CR1: variants seen among roughly 807,000 people sequenced by gnomAD.
CR1 encodes complement C3b/C4b receptor 1 (Knops blood group), also known as complement receptor type 1.
A neutral mutation model predicts 187.3 loss-of-function variants in CR1; 116 were observed. The observed-to-expected ratio is 0.62, with a 90% CI of 0.53 to 0.72. CR1 has a LOEUF of 0.72. Among genes scored for constraint, CR1 ranks in the 30% least tolerant of loss-of-function variants. The pLI, the probability that CR1 is intolerant of heterozygous loss-of-function variation, is 0.00. For missense variants in CR1, 1,731 were observed against 2,110.7 expected, an observed-to-expected ratio of 0.82 and a Z score of 3.52; for synonymous variants, 576 against 747.1, an observed-to-expected ratio of 0.77 and a Z score of 3.73.
At chr1:207,616,254 T>G (rs1558269963) in intron 40 of CR1, among the ~76,000 whole-genome samples, 1 of 152,206 alleles carries the variant, frequency 6.6e-6, no homozygotes, top group Non-Finnish European at 1.5e-5. Flanking sequence ...TCAGGAATCT[T>G]ACTATGCCTG....
chr1:207,588,623 C>A (rs893324004), intron 34 of CR1, 52 bp from the exon 35 acceptor site: 9 of 1,250,828 alleles, frequency 7.2e-6, no homozygotes, highest in South Asian at 1.2e-5. Context: ...CTGAACCTTA[C>A]AAAGGTAAGT....
intron 35 of CR1, 21 bp from the exon 36 acceptor site, chr1:207,607,230 A>G: frequency 1.3e-6 from 2 of 1,589,902 alleles, no homozygotes; most frequent in Non-Finnish European, 1.7e-6. Context: ...GCGTATAACC[A>G]TTTTCTATCC....
intron 40 of CR1, among the ~76,000 whole-genome samples, 154 bp downstream of exon 40, chr1:207,614,643 G>A (rs1365013012): frequency 6.6e-6 from 1 of 152,118 alleles, no homozygotes; most frequent in African/African-American, 2.4e-5. Context: ...GAAGGGTCTT[G>A]TAGGTCTTCT....
At chr1:207,639,212 T>C (rs1337724762) in intron 46 of CR1, among the ~76,000 whole-genome samples, 185 bp from the exon 47 acceptor site, 1 of 152,264 alleles carries the variant, frequency 6.6e-6, no homozygotes, top group Non-Finnish European at 1.5e-5. Flanking sequence ...AATTCTTTTT[T>C]AGATGACCAA....
chr1:207,516,007 G>A lies in CR1; in HGVS notation c.487+4353G>A, dbSNP rs189556882. 3.6e-3 allele frequency among the ~76,000 whole-genome samples: 543 copies of A among 152,200 alleles called. 2 individuals carry two copies. The highest frequency in any genetic ancestry group is 6.0e-3 in the Non-Finnish European group (406 of 67,984). On this transcript the variant is annotated intron_variant, in intron 4 of 46. Transcript: ENST00000367049. ...AGGCAGGAGGATTGCTTGAAGCCAG[G>A]AGTTCAAGACCAGCCTGGGCAGCAG...
chr1:207,620,784 G>T (rs1238739278), intron 43 of CR1, among the ~76,000 whole-genome samples: 1 of 151,796 alleles, frequency 6.6e-6, no homozygotes, highest in Non-Finnish European at 1.5e-5. Flanking sequence ...TTGCTTTTTT[G>T]GCAAAAATCT....
At chr1:207,582,033 G>T (rs1660973150) in intron 32 of CR1, 30 bp downstream of exon 32, 2 of 1,524,816 alleles carry the variant, frequency 1.3e-6, no homozygotes, top group Non-Finnish European at 1.8e-6. Context: ...GTTCAGTCTG[G>T]ATCTTTCTGT....
chr1:207,620,625 C>A (rs775404140), intron 43 of CR1, among the ~76,000 whole-genome samples: 1 of 152,122 alleles, frequency 6.6e-6, no homozygotes, highest in Non-Finnish European at 1.5e-5. Context: ...TTCCCTTCTC[C>A]CCATCTCTTA....
chr1:207,580,238 AGT>A lies in CR1; in HGVS notation c.4940_4941del (p.Cys1647SerfsTer10). Reference sequence around the variant, plus strand: ...AGTACTCTGGAACTGTCCTTTCCACAGTGTGTCAGCCGCCTCCAGAAATCCTG... The same window carrying A: ...AGTACTCTGGAACTGTCCTTTCCACAGTGTCAGCCGCCTCCAGAAATCCTG... On this transcript the variant is annotated splice_acceptor_variant and coding_sequence_variant, in exon 30 of 47. Transcript: ENST00000367049. LOFTEE classifies it high-confidence loss of function. The A allele has an allele frequency of 1.2e-6, 2 of 1,613,550 alleles. No homozygotes were observed. Among genetic ancestry groups the A allele is most frequent in the Non-Finnish European group, 1.7e-6 (2 of 1,179,598 alleles).
intron 35 of CR1, among the ~76,000 whole-genome samples, chr1:207,592,059 A>G (rs763375182): frequency 8.5e-5 from 13 of 152,176 alleles, no homozygotes; most frequent in Non-Finnish European, 1.6e-4. Flanking sequence ...ATTCCAAACA[A>G]TAGAAAAAGA....
At chr1:207,609,866 A>G (rs1420131914) in intron 37 of CR1, among the ~76,000 whole-genome samples, 178 bp downstream of exon 37, 2 of 152,226 alleles carry the variant, frequency 1.3e-5, no homozygotes, top group South Asian at 2.1e-4. Context: ...TCTCTCATCT[A>G]TAGTAGACAT....
At chr1:207,505,433 A>C (rs1659396322) in intron 1 of CR1, among the ~76,000 whole-genome samples, 1 of 152,122 alleles carries the variant, frequency 6.6e-6, no homozygotes, top group South Asian at 2.1e-4. Flanking sequence ...GAAAGTGCTG[A>C]AATTACAGGC....
intron 35 of CR1, among the ~76,000 whole-genome samples, chr1:207,604,148 A>G (rs1482024620): frequency 6.6e-6 from 1 of 152,234 alleles, no homozygotes; most frequent in African/African-American, 2.4e-5. Context: ...TATCATGTTT[A>G]TAAGGAAGCT....
At chr1:207,609,141 C>A in intron 36 of CR1, 149 bp from the exon 37 acceptor site, 1 of 840,868 alleles carries the variant, frequency 1.2e-6, no homozygotes, top group Non-Finnish European at 1.7e-6. Flanking sequence ...GTAAAAATGT[C>A]TGATTATTAG....
At chr1:207,503,370 C>A (rs1284658768) in intron 1 of CR1, among the ~76,000 whole-genome samples, 2 of 152,200 alleles carry the variant, frequency 1.3e-5, no homozygotes, top group Non-Finnish European at 2.9e-5. Context: ...CAAATTTCCA[C>A]AAACTTAGTG....
At chr1:207,574,722 A>G (rs1357355272) in intron 27 of CR1, among the ~76,000 whole-genome samples, 4 of 152,242 alleles carry the variant, frequency 2.6e-5, no homozygotes, top group Admixed American at 6.5e-5. Flanking sequence ...GACTGACTAT[A>G]TAGAGTTTGA....
Position 207,563,993 on chromosome 1 carries a change from G to A in CR1, c.3716G>A (p.Arg1239His), listed in dbSNP as rs201018148. 1,356 of 1,522,900 alleles carry A rather than the reference G, an allele frequency of 8.9e-4. 155 individuals are homozygous for A. The highest frequency in any genetic ancestry group is 1.1e-3 in the Non-Finnish European group (1,259 of 1,149,736). The allele number at this position is 1,522,900 out of a possible 1,614,324, so 94.3% of individuals were successfully genotyped here. The change falls in exon 22 of 47, where the codon CGC (arginine) becomes CAC (histidine). Residue 1239 changes from arginine to histidine, a missense_variant. Arg to His is a conservative substitution (Grantham distance 29, BLOSUM62 0). Coordinates refer to ENST00000367049, the MANE Select transcript of CR1 (RefSeq NM_000651.6). ...GYDLRGAASM[R>H]CTPQGDWSPA... ...GACCTCAGAGGGGCTGCGTCTATGC[G>A]CTGCACACCCCAGGGAGACTGGAGC...
rs867126183 is a variant in CR1, at chr1:207,505,817, T to A, written c.122-87T>A. The A allele has an allele frequency of 7.6e-6, 11 of 1,449,020 alleles. No individual in the cohort carries two copies. The South Asian group carries it at 1.4e-4, about 18-fold the overall frequency. The allele number at this position is 1,449,020 out of a possible 1,614,324, so 89.8% of individuals were successfully genotyped here. ...CGCCACTGCACTCCAGCCTGGGTGA[T>A]GGAGCCAGTCTCCGTCTCAAAAAAG... is the stretch of plus-strand genomic sequence containing the variant. On this transcript the variant is annotated intron_variant, in intron 1 of 46. Transcript: ENST00000367049.
intron 35 of CR1, chr1:207,600,923 A>G (rs190479958): frequency 6.6e-6 from 1 of 152,252 alleles, no homozygotes; most frequent in Admixed American, 6.5e-5. Flanking sequence ...TTACTCATAA[A>G]AATTTCTGGG....
Sources: gnomAD v4.1 joint callset for allele counts (sites outside exome capture counted in the v4.1 genomes callset) on GRCh38, gnomAD v4.1.1 for gene constraint, MANE v1.5 for transcripts, NCBI Gene and HGNC (gene_info 2026-07-23, HGNC 2026-07-21) for gene names.